Variants in UNC13A observed in about 807,000 individuals in gnomAD.
The protein encoded by UNC13A is unc-13 homolog A.
UNC13A carries 61 observed loss-of-function variants against 219.7 expected under a neutral mutation model. The observed-to-expected ratio is 0.28, with a 90% CI of 0.23 to 0.34. The LOEUF (loss-of-function observed/expected upper bound fraction) is 0.34. Ranked by LOEUF, UNC13A falls within the 10% of genes least tolerant of loss-of-function variation. The pLI, the probability that UNC13A is intolerant of heterozygous loss-of-function variation, is 1.00. For missense variants in UNC13A, 1,476 were observed against 2,270.3 expected (o/e 0.65, Z 7.11); for synonymous variants, 920 against 884.6 (o/e 1.04, Z -0.71).
chr19:17,643,340 T>C (rs1457100306), intron 19 of UNC13A, among the ~76,000 whole-genome samples: 1 of 150,672 alleles, frequency 6.6e-6, no homozygotes, highest in South Asian at 2.1e-4. Context: ...TTTTATTTTA[T>C]TTTTTTTTGA....
chr19:17,685,673 T>C (rs910994583), intron 1 of UNC13A, among the ~76,000 whole-genome samples: 23 of 152,316 alleles, frequency 1.5e-4, no homozygotes, highest in African/African-American at 2.9e-4. Flanking sequence ...CACAGGCATT[T>C]GAGTACACAC....
intron 28 of UNC13A, among the ~76,000 whole-genome samples, chr19:17,631,376 A>G (rs56369728): frequency 0.57 from 85,555 of 150,102 alleles, 24,394 homozygotes; most frequent in African/African-American, 0.6. Flanking sequence ...ACATGCCACC[A>G]TGCCCGGCTA....
At chr19:17,620,646 G>A (rs749704292) in intron 38 of UNC13A, 47 bp downstream of exon 38, 12 of 1,582,912 alleles carry the variant, frequency 7.6e-6, no homozygotes, top group South Asian at 5.8e-5. Flanking sequence ...GGTGGGGTGG[G>A]GGGGAGTGGG....
intron 1 of UNC13A, among the ~76,000 whole-genome samples, chr19:17,686,385 T>C (rs1272709704): frequency 7.1e-6 from 1 of 141,198 alleles, no homozygotes; most frequent in East Asian, 2.7e-4. Flanking sequence ...GGCGGGATGC[T>C]GGGGGGAGAA....
At chr19:17,645,572 A>G in intron 19 of UNC13A, 102 bp downstream of exon 19, 1 of 1,523,998 alleles carries the variant, frequency 6.6e-7, no homozygotes, top group Non-Finnish European at 8.9e-7. Context: ...TCCTCGACCA[A>G]ACTCCTCCTG....
At chr19:17,607,471 G>GA (rs34351813) in intron 43 of UNC13A, among the ~76,000 whole-genome samples, 3 of 132,266 alleles carry the variant, frequency 2.3e-5, no homozygotes, top group Non-Finnish European at 4.9e-5. Flanking sequence ...GGGGGGGGGG[G>GA]TCTCACCATG....
In UNC13A at chr19:17,626,704, G is replaced by A; in HGVS notation, c.4002C>T (p.Ala1334=). Residue 1334 remains alanine (A), a synonymous_variant, in exon 34 of 44, where the codon GCC becomes GCT. Coordinates refer to ENST00000519716, the MANE Select transcript of UNC13A (RefSeq NM_001080421.3). ...CCTGGGCCACGCTGCTGCAGGCACT[G>A]GCTGGCACATTGCCTGTGCCCTTAA... ...SQVKGTGNVP[A]SACSSVAQDA... 3 of 1,605,430 alleles carry A rather than the reference G, an allele frequency of 1.9e-6. No individual in the cohort carries two copies. Among genetic ancestry groups the A allele is most frequent in the Non-Finnish European group, 2.6e-6 (3 of 1,176,164 alleles).
intron 12 of UNC13A, among the ~76,000 whole-genome samples, chr19:17,651,676 C>T (rs2079351656): frequency 1.3e-5 from 2 of 152,272 alleles, no homozygotes; most frequent in South Asian, 4.1e-4. Context: ...GCAGCCTCCC[C>T]TTGTCTGACA....
At chr19:17,624,675 G>T in intron 35 of UNC13A, 154 bp downstream of exon 35, 1 of 1,108,662 alleles carries the variant, frequency 9.0e-7, no homozygotes, top group Non-Finnish European at 1.2e-6. Context: ...GACCTCTGGT[G>T]GCTTCCATGA....
At position 17,655,320 on chromosome 19, in the gene UNC13A, G is replaced by C; in HGVS notation, c.1346C>G (p.Ala449Gly). The change falls in exon 11 of 44, where the codon GCC becomes GGC. Residue 449 changes from alanine (A) to glycine (G), a missense_variant. Around this residue, in one of 14 missense-constraint regions of UNC13A, gnomAD observed 351 missense variants for 342.6 expected, o/e 1.02. Transcript: ENST00000519716. ...CTTGTTGAAGGCACGCAGCCAGTTG[G>C]CCTTGGCCCTGGACATGGAGTCCTG... ...EGQDSMSRAK[A>G]NWLRAFNKVR... The C allele has an allele frequency of 6.3e-7, 1 of 1,591,630 alleles. No individual in the cohort carries two copies. The highest frequency in any genetic ancestry group is 8.5e-7 in the Non-Finnish European group (1 of 1,169,784).
intron 19 of UNC13A, 28 bp downstream of exon 19, chr19:17,645,646 A>C: frequency 6.2e-7 from 1 of 1,613,188 alleles, no homozygotes; most frequent in Admixed American, 1.7e-5. Context: ...ACCCGTCCCC[A>C]CCCGCTTCAG....
chr19:17,605,861 C>A lies in UNC13A; in HGVS notation c.*193G>T. 5.4e-6 allele frequency: 3 copies of A among 556,392 alleles called. No homozygotes were observed. The highest frequency in any genetic ancestry group is 5.7e-6 in the Non-Finnish European group (2 of 352,846). The allele number at this position is 556,392 out of a possible 1,614,324, so 34.5% of individuals were successfully genotyped here. A position where few individuals can be genotyped will look rare whatever the true frequency, so the allele number is the denominator to read the frequency against. On this transcript the variant is annotated 3_prime_UTR_variant, in exon 44 of 44. Coordinates refer to ENST00000519716, the MANE Select transcript of UNC13A (RefSeq NM_001080421.3). ...CGTCGCGCCCTTGGGCGTGGCCTCC[C>A]GAGAGGGCGGGGCATCCTCCATTCC...
intron 25 of UNC13A, 67 bp from the exon 26 acceptor site, chr19:17,636,224 C>T: frequency 3.3e-6 from 5 of 1,494,106 alleles, no homozygotes; most frequent in East Asian, 2.5e-5. Flanking sequence ...CAGTTTATTA[C>T]TGAAGAACAA....
At chr19:17,621,540 A>G (rs1403085229) in intron 37 of UNC13A, among the ~76,000 whole-genome samples, 1 of 152,146 alleles carries the variant, frequency 6.6e-6, no homozygotes, top group East Asian at 1.9e-4. Flanking sequence ...AAGAAGGCAC[A>G]GAATTTCAGC....
At chr19:17,659,115 A>G (rs1341126106) in intron 8 of UNC13A, among the ~76,000 whole-genome samples, 1 of 152,208 alleles carries the variant, frequency 6.6e-6, no homozygotes, top group African/African-American at 2.4e-5. Flanking sequence ...TAATTTTTTA[A>G]CTAAAAAGAA....
chr19:17,674,747 T>C lies in UNC13A; in HGVS notation c.62A>G (p.Asn21Ser). The change falls in exon 3 of 44, where the codon AAC becomes AGC. Residue 21 changes from asparagine (N) to serine (S), a missense_variant. Asn to Ser is a conservative substitution (Grantham distance 46). This residue lies in a region of UNC13A where 203 missense variants were observed against 301.6 expected (regional missense o/e 0.67). Transcript: ENST00000519716. This position sits in a 1 kb window ranked among gnomAD's most constrained non-coding sequence, Gnocchi z 5.0. ...CTGCACTTTCAGGGTCACGTACGTG[T>C]TGAATTTCTCTGTGGCAGTGAGAGT... is the stretch of plus-strand genomic sequence containing the variant. ...AKFDGAQEKF[N>S]TYVTLKVQNV... 6.2e-7 allele frequency: 1 copy of C among 1,613,920 alleles called. No homozygotes were observed. The highest frequency in any genetic ancestry group is 8.5e-7 in the Non-Finnish European group (1 of 1,179,848).
At chr19:17,657,032 C>T (rs2145869468) in intron 9 of UNC13A, among the ~76,000 whole-genome samples, 1 of 152,190 alleles carries the variant, frequency 6.6e-6, no homozygotes, top group Non-Finnish European at 1.5e-5. Flanking sequence ...GTACCCCGGG[C>T]CCCAACCCAG....
intron 43 of UNC13A, among the ~76,000 whole-genome samples, chr19:17,606,892 C>T (rs2076537705): frequency 1.3e-5 from 2 of 151,974 alleles, no homozygotes; most frequent in African/African-American, 2.4e-5. Context: ...CACCGCCTCC[C>T]GCATGCCCCT....
chr19:17,606,258 G>A lies in UNC13A; in HGVS notation c.4908C>T (p.Ala1636=), dbSNP rs775862657. ...GGGCCAGCTCACGCAGCTGCAGCAC[G>A]GCCAGCCCCACCGTGCGGTCCTCGC... is the stretch of plus-strand genomic sequence containing the variant. The part of the protein sequence containing the change: ...FAREDRTVGL[A]VLQLRELAQR... The change falls in exon 44 of 44, where the codon GCC becomes GCT. Residue 1636 remains alanine (A), a synonymous_variant. Coordinates refer to ENST00000519716, the MANE Select transcript of UNC13A (RefSeq NM_001080421.3). 3.2e-6 allele frequency: 5 copies of A among 1,547,622 alleles called. No individual in the cohort carries two copies. In the Admixed American group the frequency reaches 9.8e-5, roughly 30 times the overall value.
Sources: allele counts gnomAD v4.1 joint callset (sites outside exome capture counted in the v4.1 genomes callset), GRCh38; gene constraint gnomAD v4.1.1; regional missense constraint gnomAD v4.1.1; non-coding constraint Gnocchi (gnomAD v3.1); transcripts MANE v1.5; gene names NCBI Gene and HGNC (gene_info 2026-07-23, HGNC 2026-07-21).